EXOC2: variants seen among roughly 807,000 people sequenced by gnomAD.
EXOC2 encodes exocyst complex component 2.
A neutral mutation model predicts 131.8 loss-of-function variants in EXOC2; 70 were observed. That is an observed-to-expected ratio of 0.53 (90% CI 0.44 to 0.65). The LOEUF (loss-of-function observed/expected upper bound fraction) is 0.65, where lower values mean the gene tolerates loss of function less well. Among genes scored for constraint, EXOC2 ranks in the 30% least tolerant of loss-of-function variants. The pLI, the probability that EXOC2 is intolerant of heterozygous loss-of-function variation, is 0.00. For synonymous variants in EXOC2, 411 were observed against 398.4 expected (o/e 1.03, Z -0.38); for missense variants, 923 against 1,108.6 (o/e 0.83, Z 2.38).
intron 23 of EXOC2, among the ~76,000 whole-genome samples, chr6:504,313 C>T (rs1011164464): frequency 6.6e-6 from 1 of 152,330 alleles, no homozygotes; most frequent in South Asian, 2.1e-4. Flanking sequence ...CAGAGAGGGG[C>T]TCCGTGTGCA....
intron 25 of EXOC2, among the ~76,000 whole-genome samples, chr6:491,391 CTT>C (rs1763428317): frequency 6.6e-6 from 1 of 152,222 alleles, no homozygotes; most frequent in Non-Finnish European, 1.5e-5. Flanking sequence ...TGAAAATTAA[CTT>C]GTAGTCAAGG....
At chr6:645,767 G>A (rs370042708) in intron 1 of EXOC2, among the ~76,000 whole-genome samples, 4 of 152,118 alleles carry the variant, frequency 2.6e-5, no homozygotes, top group South Asian at 2.1e-4. Context: ...CAACAGTAGC[G>A]ATGAGCATAT....
intron 25 of EXOC2, among the ~76,000 whole-genome samples, chr6:496,213 A>G (rs551614668): frequency 6.6e-6 from 1 of 152,284 alleles, no homozygotes; most frequent in South Asian, 2.1e-4. Context: ...CATGTTTTGT[A>G]TTAGGAATAA....
intron 11 of EXOC2, 117 bp from the exon 12 acceptor site, chr6:576,999 A>G (rs1171718563): frequency 2.4e-6 from 2 of 827,280 alleles, no homozygotes; most frequent in Non-Finnish European, 3.7e-6. Context: ...CCACTCTTAA[A>G]TAAGGCATTT....
chr6:673,022 G>T (rs1269224179), intron 1 of EXOC2, among the ~76,000 whole-genome samples: 2 of 151,994 alleles, frequency 1.3e-5, no homozygotes, highest in Non-Finnish European at 2.9e-5. Context: ...CACTTTGGGA[G>T]GCCAAGGCGG....
At chr6:640,245 C>T (rs1281040167) in intron 1 of EXOC2, among the ~76,000 whole-genome samples, 1 of 152,130 alleles carries the variant, frequency 6.6e-6, no homozygotes, top group Non-Finnish European at 1.5e-5. Context: ...GATAAACAGC[C>T]TCATTCTGTG....
intron 23 of EXOC2, among the ~76,000 whole-genome samples, chr6:509,413 ACTC>A (rs1442209075): frequency 6.6e-6 from 1 of 152,008 alleles, no homozygotes; most frequent in East Asian, 1.9e-4. Flanking sequence ...ACAGAATTAT[ACTC>A]CTATTTCTTC....
chr6:618,028 A>T (rs1370553560), intron 5 of EXOC2, among the ~76,000 whole-genome samples, 193 bp from the exon 6 acceptor site: 1 of 152,198 alleles, frequency 6.6e-6, no homozygotes, highest in East Asian at 1.9e-4. Context: ...TTTATTATGA[A>T]TGCCTAAATT....
chr6:634,377 G>A (rs1275356520), intron 2 of EXOC2, among the ~76,000 whole-genome samples: 1 of 152,110 alleles, frequency 6.6e-6, no homozygotes, highest in Admixed American at 6.5e-5. Flanking sequence ...GAGCCACCAT[G>A]CCCGGCAGAC....
chr6:621,455 C>G (rs545390915), intron 4 of EXOC2, among the ~76,000 whole-genome samples: 1 of 152,344 alleles, frequency 6.6e-6, no homozygotes, highest in African/African-American at 2.4e-5. Context: ...CCCTGCACAG[C>G]GAGACGCCAC....
At chr6:572,915 C>T (rs1758368345) in intron 12 of EXOC2, among the ~76,000 whole-genome samples, 1 of 152,238 alleles carries the variant, frequency 6.6e-6, no homozygotes, top group Admixed American at 6.5e-5. Context: ...ACCAGGTGGC[C>T]ACAGCCTCAG....
At chr6:529,495 T>C (rs907414505) in intron 23 of EXOC2, among the ~76,000 whole-genome samples, 20 of 152,214 alleles carry the variant, frequency 1.3e-4, no homozygotes, top group Non-Finnish European at 2.9e-4. Flanking sequence ...AGAATCACTT[T>C]GTTGAGAGTG....
intron 6 of EXOC2, 68 bp downstream of exon 6, chr6:617,643 C>A: frequency 6.4e-7 from 1 of 1,558,632 alleles, no homozygotes; most frequent in African/African-American, 1.4e-5. Context: ...ACCCTGTAAA[C>A]ACCCTGCAGG....
chr6:649,150 G>A (rs1204974667), intron 1 of EXOC2, among the ~76,000 whole-genome samples: 3 of 152,018 alleles, frequency 2.0e-5, no homozygotes, highest in Non-Finnish European at 4.4e-5. Flanking sequence ...TCAGCCTCCA[G>A]AGTAGCTGGA....
chr6:664,194 AATAAAAT>A (rs1238979291), intron 1 of EXOC2, among the ~76,000 whole-genome samples: 4 of 152,168 alleles, frequency 2.6e-5, no homozygotes, highest in African/African-American at 9.7e-5. Context: ...TAGCTGCAAA[AATAAAAT>A]AAAATAAAAT....
intron 1 of EXOC2, among the ~76,000 whole-genome samples, chr6:662,990 C>CAA (rs953165734): frequency 3.7e-5 from 5 of 135,664 alleles, no homozygotes; most frequent in Non-Finnish European, 8.0e-5. Flanking sequence ...GACTTTGTCT[C>CAA]AAAAAAAAAA....
At chr6:625,483 T>A (rs1044915479) in intron 4 of EXOC2, among the ~76,000 whole-genome samples, 1 of 151,872 alleles carries the variant, frequency 6.6e-6, no homozygotes, top group African/African-American at 2.4e-5. Context: ...TTGTTTACAC[T>A]CTGTTGTATT....
intron 25 of EXOC2, among the ~76,000 whole-genome samples, chr6:494,646 C>T (rs1373967575): frequency 6.6e-6 from 1 of 152,156 alleles, no homozygotes; most frequent in African/African-American, 2.4e-5. Context: ...TTTCTCATCA[C>T]AGTTAGTTTT....
chr6:639,351 G>C (rs1762250059), intron 1 of EXOC2, among the ~76,000 whole-genome samples: 9 of 54,366 alleles, frequency 1.7e-4, no homozygotes, highest in Non-Finnish European at 1.1e-4. Flanking sequence ...TCCTGCCCTT[G>C]CCACTGTGAG....
Sources: gnomAD v4.1 joint callset for allele counts (sites outside exome capture counted in the v4.1 genomes callset) on GRCh38, gnomAD v4.1.1 for gene constraint, MANE v1.5 for transcripts, NCBI Gene and HGNC (gene_info 2026-07-23, HGNC 2026-07-21) for gene names.